The following LAMB1 variants were observed in gnomAD, a reference collection of about 807,000 sequenced individuals.
LAMB1 encodes the protein laminin subunit beta-1.
LAMB1 carries 121 observed loss-of-function variants against 222.3 expected under a neutral mutation model. The observed-to-expected ratio is 0.54, with a 90% CI of 0.47 to 0.63. LAMB1 has a LOEUF of 0.63. Ranked by LOEUF, LAMB1 falls within the 30% of genes least tolerant of loss-of-function variation. LAMB1 has a pLI of 0.00. For missense variants in LAMB1, 2,172 were observed against 2,240.8 expected (o/e 0.97, Z 0.62); for synonymous variants, 794 against 807.2 (o/e 0.98, Z 0.28).
At chr7:107,985,257 G>C (rs974058549) in intron 7 of LAMB1, among the ~76,000 whole-genome samples, 20 of 152,142 alleles carry the variant, frequency 1.3e-4, no homozygotes, top group Non-Finnish European at 2.9e-5. Context: ...GAAGGAAAAT[G>C]AAAAAGGTAG....
intron 27 of LAMB1, 80 bp from the exon 28 acceptor site, chr7:107,932,457 G>T: frequency 7.0e-7 from 1 of 1,431,336 alleles, no homozygotes; most frequent in Non-Finnish European, 9.8e-7. Flanking sequence ...GGCCTGGGTG[G>T]CCCCAGAGAA....
chr7:107,965,929 T>C (rs2033626121), intron 13 of LAMB1, among the ~76,000 whole-genome samples: 2 of 151,836 alleles, frequency 1.3e-5, no homozygotes, highest in Non-Finnish European at 2.9e-5. Context: ...AAACCCCGTC[T>C]CTACTGAAAA....
intron 24 of LAMB1, among the ~76,000 whole-genome samples, chr7:107,944,566 T>G (rs1245816741): frequency 1.3e-5 from 2 of 152,148 alleles, no homozygotes; most frequent in African/African-American, 4.8e-5. Flanking sequence ...TAGTCTCAAA[T>G]GTACCAGGTT....
chr7:107,950,926 GTGTGTGTGT>G (rs1562984791), intron 24 of LAMB1, among the ~76,000 whole-genome samples: 76 of 27,012 alleles, frequency 2.8e-3, no homozygotes, highest in South Asian at 9.6e-3. Context: ...TATTTGTGGT[GTGTGTGTGT>G]GTGTGTGTGT....
intron 13 of LAMB1, among the ~76,000 whole-genome samples, chr7:107,965,122 C>G (rs534714216): frequency 2.6e-5 from 4 of 152,340 alleles, no homozygotes; most frequent in African/African-American, 9.6e-5. Flanking sequence ...TGGTCTCTAT[C>G]AGGGTGAAGG....
At chr7:107,954,957 C>A (rs1356155884) in intron 21 of LAMB1, among the ~76,000 whole-genome samples, 1 of 152,142 alleles carries the variant, frequency 6.6e-6, no homozygotes. Context: ...GTATTTGTAA[C>A]AGTGGCTTCA....
In LAMB1 at chr7:107,953,702, A is replaced by T. The variant is rs992592452; in HGVS notation, c.2907T>A (p.Val969=). The T allele has an allele frequency of 1.2e-6, 2 of 1,614,142 alleles. No homozygotes were observed. The highest frequency in any genetic ancestry group is 2.7e-5 in the African/African-American group (2 of 75,004). The change falls in exon 22 of 34, where the codon GTT becomes GTA. Residue 969 remains valine (V), a synonymous_variant. Transcript: ENST00000222399. Reference sequence around the variant, plus strand: ...ACTGGCAAGGCTGACACGACCCCCCAACTTCTGATGGATTGCCAAAGTATC... The same window carrying T: ...ACTGGCAAGGCTGACACGACCCCCCTACTTCTGATGGATTGCCAAAGTATC... ...ASGYFGNPSE[V]GGSCQPCQCH...
At chr7:107,969,234 G>T (rs1283053217) in intron 13 of LAMB1, among the ~76,000 whole-genome samples, 1 of 148,294 alleles carries the variant, frequency 6.7e-6, no homozygotes, top group African/African-American at 2.5e-5. Flanking sequence ...CTTGCAGTGA[G>T]CCAAGATCGC....
At chr7:107,988,363 G>C (rs896425419) in intron 5 of LAMB1, among the ~76,000 whole-genome samples, 2 of 152,172 alleles carry the variant, frequency 1.3e-5, no homozygotes, top group Non-Finnish European at 2.9e-5. Context: ...GCACTCAGCT[G>C]CAAGAATGGA....
intron 7 of LAMB1, among the ~76,000 whole-genome samples, chr7:107,982,247 T>C (rs2033986747): frequency 6.6e-6 from 1 of 152,242 alleles, no homozygotes; most frequent in Non-Finnish European, 1.5e-5. Flanking sequence ...AGAGATTGAT[T>C]CATCTGTCTG....
Position 107,960,666 on chromosome 7 carries a change from A to G in LAMB1, c.2110-17T>C. 1 of 1,609,630 alleles carries G rather than the reference A, an allele frequency of 6.2e-7. No individual in the cohort carries two copies. The highest frequency in any genetic ancestry group is 8.5e-7 in the Non-Finnish European group (1 of 1,175,878). ...GAGAACAAGCTGTGAAGAAATGAGA[A>G]CGGCCAAACATCCTTACAGTGGTGC... On this transcript the variant is annotated splice_polypyrimidine_tract_variant and intron_variant, in intron 17 of 33. Coordinates refer to ENST00000222399, the MANE Select transcript of LAMB1 (RefSeq NM_002291.3).
At position 107,926,268 on chromosome 7, in the gene LAMB1, C is replaced by A; in HGVS notation, c.4979G>T (p.Arg1660Leu). ...ELERNVEELK[R>L]KAAQNSGEAE... ...CTCCCCGGAGTTTTGGGCAGCTTTCCGCTTAAGTTCTTCCACATTCCTCTC... is the reference window on the plus strand; with the variant it reads ...CTCCCCGGAGTTTTGGGCAGCTTTCAGCTTAAGTTCTTCCACATTCCTCTC... Residue 1660 changes from arginine to leucine, a missense_variant, in exon 32 of 34, where the codon CGG (arginine) becomes CTG (leucine). Physicochemically the swap from Arg to Leu is moderately radical, Grantham distance 102 (BLOSUM62 -2). Transcript: ENST00000222399. The A allele has an allele frequency of 1.2e-6, 2 of 1,613,956 alleles. No homozygotes were observed. The highest frequency in any genetic ancestry group is 1.7e-6 in the Non-Finnish European group (2 of 1,179,842).
intron 24 of LAMB1, among the ~76,000 whole-genome samples, chr7:107,943,674 A>G (rs1369242250): frequency 6.6e-6 from 1 of 152,162 alleles, no homozygotes; most frequent in East Asian, 1.9e-4. Flanking sequence ...GGTGGGGCCC[A>G]GAACTATTTT....
chr7:107,940,572 T>C (rs986939860), intron 24 of LAMB1: 27 of 564,608 alleles, frequency 4.8e-5, no homozygotes, highest in African/African-American at 4.3e-4. Flanking sequence ...AATAATACTT[T>C]AAACAGAAAT....
intron 24 of LAMB1, 63 bp from the exon 25 acceptor site, chr7:107,940,421 G>A (rs1484916864): frequency 2.6e-6 from 4 of 1,520,674 alleles, no homozygotes; most frequent in Admixed American, 3.6e-5. Context: ...ACAAGATGTG[G>A]CATTTAGAAT....
intron 33 of LAMB1, 42 bp from the exon 34 acceptor site, chr7:107,924,129 C>A: frequency 6.6e-7 from 1 of 1,519,824 alleles, no homozygotes; most frequent in Admixed American, 2.3e-5. Context: ...GCAATTTATA[C>A]TATGATGATC....
At chr7:108,001,821 G>C in intron 2 of LAMB1, 88 bp from the exon 3 acceptor site, 1 of 1,564,746 alleles carries the variant, frequency 6.4e-7, no homozygotes, top group Non-Finnish European at 8.7e-7. Flanking sequence ...GGGGGAGTGG[G>C]TGCGGAGAGA....
At chr7:107,997,891 C>T (rs566720849) in intron 4 of LAMB1, among the ~76,000 whole-genome samples, 11 of 152,170 alleles carry the variant, frequency 7.2e-5, no homozygotes, top group Middle Eastern at 3.4e-3. Context: ...AAAATTACAT[C>T]TTGCTGCTTA....
intron 4 of LAMB1, among the ~76,000 whole-genome samples, chr7:107,998,122 A>G (rs887827646): frequency 5.9e-5 from 9 of 152,220 alleles, no homozygotes; most frequent in Non-Finnish European, 1.0e-4. Flanking sequence ...AATAAGGACT[A>G]TGAAATGCTC....
Sources: allele counts gnomAD v4.1 joint callset (sites outside exome capture counted in the v4.1 genomes callset), GRCh38; gene constraint gnomAD v4.1.1; transcripts MANE v1.5; gene names NCBI Gene and HGNC (gene_info 2026-07-23, HGNC 2026-07-21).